COL23A1: variants seen among roughly 807,000 people sequenced by gnomAD.
COL23A1 encodes collagen alpha-1(XXIII) chain.
In COL23A1, 97 loss-of-function variants were observed where a neutral mutation model predicts 99.3. That is an observed-to-expected ratio of 0.98 (90% CI 0.83 to 1.16). COL23A1 has a LOEUF of 1.16. Ranked by LOEUF, COL23A1 falls within the 50% of genes most tolerant of loss-of-function variation. The pLI is 0.00. For missense variants in COL23A1, 762 were observed against 757.4 expected (o/e 1.01, Z -0.07); for synonymous variants, 320 against 308.2 (o/e 1.04, Z -0.40).
intron 2 of COL23A1, among the ~76,000 whole-genome samples, chr5:178,539,376 GTC>G (rs890375020): frequency 2.0e-5 from 3 of 151,816 alleles, no homozygotes; most frequent in African/African-American, 7.3e-5. Flanking sequence ...GTGAAATCCT[GTC>G]TCTACTAAAA....
chr5:178,499,027 T>C (rs1456167510), intron 2 of COL23A1, among the ~76,000 whole-genome samples: 1 of 151,972 alleles, frequency 6.6e-6, no homozygotes, highest in Non-Finnish European at 1.5e-5. Flanking sequence ...GAGGCGGAGG[T>C]TGCAGTGAGC....
At chr5:178,441,735 C>T (rs966238590) in intron 2 of COL23A1, among the ~76,000 whole-genome samples, 3 of 152,102 alleles carry the variant, frequency 2.0e-5, no homozygotes, top group Admixed American at 6.6e-5. Flanking sequence ...GGTGATGACG[C>T]GGGGTGGGCA....
At chr5:178,352,491 T>A (rs78084073) in intron 2 of COL23A1, among the ~76,000 whole-genome samples, 2,827 of 152,300 alleles carry the variant, frequency 0.019, 32 homozygotes, top group Non-Finnish European at 0.031. Flanking sequence ...ACAATTCTCA[T>A]AAGGAGCAAC....
chr5:178,569,396 A>G (rs142551314), intron 1 of COL23A1, among the ~76,000 whole-genome samples: 8 of 152,348 alleles, frequency 5.3e-5, no homozygotes, highest in Non-Finnish European at 1.0e-4. Flanking sequence ...GCGTGTTAAC[A>G]TCATCTTGAA....
intron 2 of COL23A1, among the ~76,000 whole-genome samples, chr5:178,473,133 A>C (rs184350009): frequency 0.02 from 2,955 of 150,808 alleles, 107 homozygotes; most frequent in African/African-American, 0.068. Context: ...CCATCCCCCC[A>C]AAAAAAATCA....
chr5:178,576,575 C>A (rs1472306453), intron 1 of COL23A1, among the ~76,000 whole-genome samples: 3 of 152,208 alleles, frequency 2.0e-5, no homozygotes, highest in Admixed American at 6.5e-5. Flanking sequence ...TCTCAGAACC[C>A]GCCCTCCAGG....
chr5:178,536,360 T>G (rs912686888), intron 2 of COL23A1, among the ~76,000 whole-genome samples: 1 of 152,180 alleles, frequency 6.6e-6, no homozygotes, highest in Non-Finnish European at 1.5e-5. Context: ...GCCTCTCACA[T>G]CCCGACCACA....
rs747706463 is a variant in COL23A1 at position 178,239,186 on chromosome 5, A to G, written c.1582-7T>C. ...CAGGCAGCCCGTCGGGGCCCTGGAA[A>G]GGAAGAAGGTTTCAGTGATGGGGAT... On this transcript the variant is annotated splice_polypyrimidine_tract_variant and splice_region_variant and intron_variant, in intron 27 of 28. Coordinates refer to ENST00000390654, the MANE Select transcript of COL23A1 (RefSeq NM_173465.4). 1.9e-6 allele frequency: 3 copies of G among 1,614,056 alleles called. No individual in the cohort carries two copies. The Admixed American group carries it at 5.0e-5, about 27-fold the overall frequency.
At chr5:178,438,309 T>G (rs1057191883) in intron 2 of COL23A1, among the ~76,000 whole-genome samples, 1 of 152,134 alleles carries the variant, frequency 6.6e-6, no homozygotes, top group Non-Finnish European at 1.5e-5. Context: ...TGAGCAAGAA[T>G]GCCAAACACC....
At chr5:178,520,726 G>A (rs1039065725) in intron 2 of COL23A1, among the ~76,000 whole-genome samples, 3 of 152,190 alleles carry the variant, frequency 2.0e-5, no homozygotes, top group East Asian at 1.9e-4. Flanking sequence ...GAGGTCAGGC[G>A]ATCCACTTCC....
chr5:178,527,859 C>T (rs984784095), intron 2 of COL23A1, among the ~76,000 whole-genome samples: 5 of 152,318 alleles, frequency 3.3e-5, no homozygotes, highest in East Asian at 1.9e-4. Context: ...AGATACAGCC[C>T]GAAATGGAAA....
In COL23A1 at chr5:178,544,698, G is replaced by A. The variant is rs978701249; in HGVS notation, c.361+15984C>T. 6.6e-6 allele frequency among the ~76,000 whole-genome samples: 1 copy of A among 152,188 alleles called. No individual in the cohort carries two copies. Among genetic ancestry groups the A allele is most frequent in the Non-Finnish European group, 1.5e-5 (1 of 68,032 alleles). On this transcript the variant is annotated intron_variant, in intron 2 of 28. Transcript: ENST00000390654. The surrounding 1 kb of genome is among the most constrained non-coding windows in gnomAD (Gnocchi z 4.4). ...TCAGGGGCGGTCACCTTCCAGTCCT[G>A]TAAGTGGCAAAGCTCAGAGGCACTG...
intron 2 of COL23A1, among the ~76,000 whole-genome samples, chr5:178,515,239 G>T (rs993196199): frequency 6.6e-6 from 1 of 152,196 alleles, no homozygotes; most frequent in Non-Finnish European, 1.5e-5. Flanking sequence ...CTGCTCCTCT[G>T]CACTGCCCCA....
chr5:178,425,514 T>C (rs1765879272), intron 2 of COL23A1, among the ~76,000 whole-genome samples: 2 of 152,038 alleles, frequency 1.3e-5, no homozygotes, highest in Admixed American at 1.3e-4. Flanking sequence ...CTCACCTCTG[T>C]TTCAGTTTCC....
chr5:178,239,486 T>C (rs372166978), intron 27 of COL23A1, among the ~76,000 whole-genome samples: 2 of 152,252 alleles, frequency 1.3e-5, no homozygotes, highest in East Asian at 1.9e-4. Context: ...GTGCCAGACA[T>C]GTACAGGCTG....
intron 22 of COL23A1, 70 bp downstream of exon 22, chr5:178,247,456 A>T (rs1005727095): frequency 6.3e-7 from 1 of 1,577,644 alleles, no homozygotes; most frequent in Non-Finnish European, 8.7e-7. Flanking sequence ...TGCTTTGCCC[A>T]TTGGCAAGGC....
At chr5:178,311,122 G>C (rs1758647327) in intron 2 of COL23A1, among the ~76,000 whole-genome samples, 1 of 152,144 alleles carries the variant, frequency 6.6e-6, no homozygotes, top group Non-Finnish European at 1.5e-5. Context: ...CTGGCTGCTG[G>C]GGAACGACAG....
intron 1 of COL23A1, among the ~76,000 whole-genome samples, chr5:178,573,914 A>G (rs1763226791): frequency 1.3e-5 from 2 of 151,828 alleles, no homozygotes; most frequent in African/African-American, 4.8e-5. Context: ...GCTGGAGTAC[A>G]GTGATGCAAT....
At chr5:178,496,421 G>T (rs778019288) in intron 2 of COL23A1, among the ~76,000 whole-genome samples, 4 of 152,172 alleles carry the variant, frequency 2.6e-5, no homozygotes, top group Admixed American at 1.3e-4. Flanking sequence ...TGTTCTACGG[G>T]AAGCCACGCT....
Sources: gnomAD v4.1 joint callset for allele counts (sites outside exome capture counted in the v4.1 genomes callset) on GRCh38, gnomAD v4.1.1 for gene constraint, Gnocchi (gnomAD v3.1) non-coding constraint, MANE v1.5 for transcripts, NCBI Gene and HGNC (gene_info 2026-07-23, HGNC 2026-07-21) for gene names.